Variants in NEK11 observed in about 807,000 individuals in gnomAD.
The protein encoded by NEK11 is serine/threonine-protein kinase Nek11.
NEK11 carries 72 observed loss-of-function variants against 80.7 expected under a neutral mutation model. The observed-to-expected ratio is 0.89, with a 90% confidence interval of 0.74 to 1.08. The LOEUF is 1.08. NEK11 is among the 50% of genes least tolerant of loss of function. NEK11 has a pLI of 0.00. For missense variants in NEK11, 764 were observed against 763.6 expected (o/e 1.00, Z -0.01); for synonymous variants, 251 against 260.7 (o/e 0.96, Z 0.36).
intron 14 of NEK11, among the ~76,000 whole-genome samples, chr3:131,176,382 A>T: frequency 6.6e-6 from 1 of 152,144 alleles, no homozygotes; most frequent in East Asian, 1.9e-4. Flanking sequence ...TATAAAGATA[A>T]ATTGATGGTG....
intron 4 of NEK11, among the ~76,000 whole-genome samples, chr3:131,081,586 C>T (rs2075286934): frequency 1.3e-5 from 2 of 152,094 alleles, no homozygotes; most frequent in Non-Finnish European, 2.9e-5. Context: ...GTAGAGAATA[C>T]CCAAAGATGA....
rs139332340 is a variant in NEK11 at position 131,311,903 on chromosome 3, G to A, written c.1719-37654G>A. On this transcript the variant is annotated intron_variant, in intron 17 of 17. Coordinates refer to ENST00000383366, the MANE Select transcript of NEK11 (RefSeq NM_024800.5). The stretch of plus-strand genomic sequence containing the variant: ...AGAGCTGCTGAAAAATTCAATGGAA[G>A]CCCACAAAGTCTAGAGATATTTGAA... 1.6e-4 allele frequency among the ~76,000 whole-genome samples: 25 copies of A among 152,308 alleles called. No individual in the cohort carries two copies. In the East Asian group the frequency reaches 4.2e-3, roughly 26 times the overall value.
At chr3:131,313,038 C>A (rs1174614028) in intron 17 of NEK11, among the ~76,000 whole-genome samples, 1 of 152,102 alleles carries the variant, frequency 6.6e-6, no homozygotes, top group East Asian at 1.9e-4. Flanking sequence ...CATGTGTTCT[C>A]ATCATTTAGC....
At chr3:131,206,264 C>T (rs183484620) in intron 14 of NEK11, among the ~76,000 whole-genome samples, 41 of 152,318 alleles carry the variant, frequency 2.7e-4, no homozygotes, top group Non-Finnish European at 3.8e-4. Context: ...GAGGAGAACT[C>T]TACCAGAAAA....
chr3:131,176,082 G>C (rs1032625344), intron 14 of NEK11, among the ~76,000 whole-genome samples: 13 of 152,136 alleles, frequency 8.5e-5, no homozygotes, highest in Non-Finnish European at 1.8e-4. Flanking sequence ...GGATCTTTTA[G>C]CTCCTCTCTC....
chr3:131,162,305 C>CT (rs2091697059), intron 10 of NEK11, 103 bp from the exon 11 acceptor site: 6 of 1,412,248 alleles, frequency 4.2e-6, no homozygotes, highest in African/African-American at 1.4e-5. Flanking sequence ...TCTCAAGATG[C>CT]TTTTGCTCTC....
chr3:131,051,917 C>G (rs2068474105), intron 3 of NEK11, among the ~76,000 whole-genome samples: 1 of 152,032 alleles, frequency 6.6e-6, no homozygotes, highest in African/African-American at 2.4e-5. Flanking sequence ...TCACATGGCT[C>G]AAAAAACATC....
intron 16 of NEK11, among the ~76,000 whole-genome samples, chr3:131,259,189 T>C (rs1235669043): frequency 2.6e-5 from 4 of 152,144 alleles, no homozygotes; most frequent in Non-Finnish European, 5.9e-5. Flanking sequence ...GGAAAGCATT[T>C]GAGGTTGTTC....
intron 7 of NEK11, among the ~76,000 whole-genome samples, chr3:131,150,655 T>G (rs1332007208): frequency 6.6e-6 from 1 of 152,002 alleles, no homozygotes; most frequent in African/African-American, 2.4e-5. Context: ...TTAATTGGAG[T>G]CTTTTCCCTC....
At chr3:131,162,226 G>A (rs752993457) in intron 10 of NEK11, among the ~76,000 whole-genome samples, 182 bp from the exon 11 acceptor site, 1 of 152,162 alleles carries the variant, frequency 6.6e-6, no homozygotes, top group Admixed American at 6.5e-5. Flanking sequence ...TTTGAAAAAT[G>A]TTGCTTATTA....
intron 7 of NEK11, among the ~76,000 whole-genome samples, chr3:131,146,639 A>G (rs1311874456): frequency 6.6e-6 from 1 of 152,188 alleles, no homozygotes; most frequent in Non-Finnish European, 1.5e-5. Flanking sequence ...ATATATTTTT[A>G]GTGATATTTA....
intron 4 of NEK11, among the ~76,000 whole-genome samples, chr3:131,095,336 A>G (rs2077275253): frequency 6.6e-6 from 1 of 152,114 alleles, no homozygotes; most frequent in South Asian, 2.1e-4. Context: ...ATGTTGTCAG[A>G]GTTCTTTCCA....
chr3:131,241,117 A>G (rs1352840805), intron 15 of NEK11, among the ~76,000 whole-genome samples: 1 of 152,196 alleles, frequency 6.6e-6, no homozygotes, highest in Non-Finnish European at 1.5e-5. Context: ...GAATGAAAAT[A>G]AATATGAAGG....
chr3:131,201,322 T>C (rs892399420), intron 14 of NEK11, among the ~76,000 whole-genome samples: 6 of 151,914 alleles, frequency 3.9e-5, no homozygotes, highest in Non-Finnish European at 7.4e-5. Context: ...TAGGAAGGGA[T>C]GTGGAATATC....
chr3:131,138,850 G>T (rs1350897296), intron 7 of NEK11, among the ~76,000 whole-genome samples: 1 of 152,146 alleles, frequency 6.6e-6, no homozygotes, highest in African/African-American at 2.4e-5. Flanking sequence ...TGCAGATGTA[G>T]CTTAGATCAC....
rs577634303 is a variant in NEK11, at chr3:131,183,337, A to G, written c.1399+12450A>G. ...TGTGCAGGATGTGCAGGTTTGTTAC[A>G]TAAGTAAACATGTGCCATGGTGGTT... is the stretch of plus-strand genomic sequence containing the variant. On this transcript the variant is annotated intron_variant, in intron 14 of 17. Transcript: ENST00000383366. Among the ~76,000 whole-genome samples the G allele has an allele frequency of 6.6e-5, 10 of 152,328 alleles. No individual in the cohort carries two copies. In the East Asian group the frequency reaches 1.7e-3, roughly 26 times the overall value.
At chr3:131,318,512 A>T (rs925759884) in intron 17 of NEK11, among the ~76,000 whole-genome samples, 1 of 152,106 alleles carries the variant, frequency 6.6e-6, no homozygotes, top group Non-Finnish European at 1.5e-5. Context: ...TTAATAACAA[A>T]AAGCTATAAA....
At chr3:131,062,897 CAACTACATAAAGCTAGGCAAGAG>C (rs1329985936) in intron 3 of NEK11, among the ~76,000 whole-genome samples, 2 of 152,176 alleles carry the variant, frequency 1.3e-5, no homozygotes, top group African/African-American at 4.8e-5. Flanking sequence ...TCACTGTAAT[CAACTACATAAAGCTAGGCAAGAG>C]AAATGGAAGT....
At chr3:131,265,161 CAG>C (rs2096022124) in intron 16 of NEK11, among the ~76,000 whole-genome samples, 1 of 152,192 alleles carries the variant, frequency 6.6e-6, no homozygotes, top group South Asian at 2.1e-4. Flanking sequence ...GATCTGCAAA[CAG>C]AGACAATTTG....
Sources: allele counts gnomAD v4.1 joint callset (sites outside exome capture counted in the v4.1 genomes callset), GRCh38; gene constraint gnomAD v4.1.1; transcripts MANE v1.5; gene names NCBI Gene and HGNC (gene_info 2026-07-23, HGNC 2026-07-21).